Variants in MIB1 observed in about 807,000 individuals in gnomAD.
The protein encoded by MIB1 is MIB E3 ubiquitin protein ligase 1, also known as E3 ubiquitin-protein ligase MIB1.
A neutral mutation model predicts 124.5 loss-of-function variants in MIB1; 278 were observed. That is an observed-to-expected ratio of 2.23 (90% CI 2.02 to 2.47). The LOEUF (loss-of-function observed/expected upper bound fraction) is 2.47. Among genes scored for constraint, MIB1 ranks in the 30% most tolerant of loss-of-function variants. MIB1 has a pLI of 0.00. For missense variants in MIB1, 957 were observed against 1,254.4 expected, an observed-to-expected ratio of 0.76 and a Z score of 3.58; for synonymous variants, 446 against 429.4, an observed-to-expected ratio of 1.04 and a Z score of -0.48.
At chr18:21,845,926 A>G (rs2042130800) in intron 15 of MIB1, among the ~76,000 whole-genome samples, 1 of 152,106 alleles carries the variant, frequency 6.6e-6, no homozygotes, top group Admixed American at 6.5e-5. Flanking sequence ...CTCGGCTGAA[A>G]AGACTTTCTT....
rs891931516 is a variant in MIB1, at chr18:21,865,753, T to C, written c.*1087T>C. The stretch of plus-strand genomic sequence containing the variant: ...TCTCTTTCTTTATAGTATTTTTTGT[T>C]ATAAAGAAAACAGTCTTTCTGTGTA... On this transcript the variant is annotated 3_prime_UTR_variant, in exon 21 of 21. Coordinates refer to ENST00000261537, the MANE Select transcript of MIB1 (RefSeq NM_020774.4). The C allele has an allele frequency of 6.6e-6, 1 of 152,632 alleles. No homozygotes were observed. The highest frequency in any genetic ancestry group is 2.4e-5 in the African/African-American group (1 of 41,452). 9.5% of individuals were successfully genotyped at this position (152,632 alleles called of 1,614,324 possible).
Position 21,800,783 on chromosome 18 carries a change from G to A in MIB1, c.1371+809G>A, listed in dbSNP as rs538167523. Among the ~76,000 whole-genome samples the A allele has an allele frequency of 2.7e-4, 41 of 152,110 alleles. 1 individual carries two copies. The South Asian group carries it at 7.9e-3, about 29-fold the overall frequency. Reference sequence around the variant, plus strand: ...AATGTCTTATTTCTCCTATAAGCTCGACATGTTAGCTTTATTATAGAGAAA... The same window carrying A: ...AATGTCTTATTTCTCCTATAAGCTCAACATGTTAGCTTTATTATAGAGAAA... On this transcript the variant is annotated intron_variant, in intron 9 of 20. Coordinates refer to ENST00000261537, the MANE Select transcript of MIB1 (RefSeq NM_020774.4).
chr18:21,708,922 C>T (rs2040652763), intron 1 of MIB1, among the ~76,000 whole-genome samples: 1 of 152,158 alleles, frequency 6.6e-6, no homozygotes, highest in South Asian at 2.1e-4. Context: ...TTTGGGCTTA[C>T]CATATGCAGA....
At chr18:21,713,398 T>C (rs2040674152) in intron 1 of MIB1, among the ~76,000 whole-genome samples, 1 of 151,570 alleles carries the variant, frequency 6.6e-6, no homozygotes, top group African/African-American at 2.4e-5. Flanking sequence ...GATCATGAGG[T>C]CAGGCATTCA....
intron 1 of MIB1, among the ~76,000 whole-genome samples, chr18:21,746,147 T>C (rs1404409771): frequency 6.6e-6 from 1 of 152,228 alleles, no homozygotes; most frequent in Admixed American, 6.5e-5. Context: ...ATAGAAAATT[T>C]ATTGCAGTAT....
intron 12 of MIB1, among the ~76,000 whole-genome samples, chr18:21,836,022 G>A (rs969307749): frequency 2.6e-5 from 4 of 151,906 alleles, no homozygotes; most frequent in Non-Finnish European, 5.9e-5. Context: ...GCTAAGGCAG[G>A]TGGATGGCTT....
At chr18:21,847,496 GTAT>G (rs1485556192) in intron 16 of MIB1, among the ~76,000 whole-genome samples, 7 of 152,024 alleles carry the variant, frequency 4.6e-5, no homozygotes, top group Admixed American at 4.6e-4. Flanking sequence ...ATTTTTTATT[GTAT>G]TATTATTATT....
intron 8 of MIB1, 45 bp downstream of exon 8, chr18:21,798,273 T>G (rs754298106): frequency 9.4e-6 from 15 of 1,589,946 alleles, no homozygotes; most frequent in Non-Finnish European, 1.2e-5. Context: ...TGGTTTACAT[T>G]AAAACCTTTG....
chr18:21,853,292 G>T (rs2042197669), intron 18 of MIB1, 74 bp downstream of exon 18: 5 of 1,165,482 alleles, frequency 4.3e-6, no homozygotes, highest in Non-Finnish European at 6.2e-6. Context: ...GTTTTTGAGG[G>T]TTTTTTTGCT....
chr18:21,814,731 G>A (rs2041809336), intron 10 of MIB1, among the ~76,000 whole-genome samples: 1 of 151,738 alleles, frequency 6.6e-6, no homozygotes, highest in Non-Finnish European at 1.5e-5. Context: ...GTGCCACCAT[G>A]TCTGGCTAAT....
At chr18:21,750,877 G>A (rs544328120) in intron 1 of MIB1, among the ~76,000 whole-genome samples, 4 of 151,980 alleles carry the variant, frequency 2.6e-5, no homozygotes, top group African/African-American at 7.2e-5. Context: ...CCATACTCCT[G>A]TAAATATATG....
intron 11 of MIB1, among the ~76,000 whole-genome samples, chr18:21,816,733 G>A (rs755291824): frequency 4.6e-5 from 7 of 152,164 alleles, no homozygotes; most frequent in African/African-American, 7.2e-5. Context: ...AACAGTAGTA[G>A]TGGGAATGAG....
intron 1 of MIB1, among the ~76,000 whole-genome samples, chr18:21,734,966 C>T (rs920168232): frequency 6.6e-6 from 1 of 152,208 alleles, no homozygotes; most frequent in Non-Finnish European, 1.5e-5. Flanking sequence ...TCATAATACA[C>T]ATTTTCCATG....
chr18:21,821,424 T>C (rs1028689859), intron 12 of MIB1, among the ~76,000 whole-genome samples: 2 of 152,156 alleles, frequency 1.3e-5, no homozygotes, highest in East Asian at 3.9e-4. Context: ...TCTCCTTTCC[T>C]AAAATATGCT....
At position 21,756,340 on chromosome 18, in the gene MIB1, C is replaced by T. The variant is rs183486223; in HGVS notation, c.230-9432C>T. Among the ~76,000 whole-genome samples, 41 of 152,270 alleles carry T rather than the reference C, an allele frequency of 2.7e-4. 1 individual carries two copies. The East Asian group carries it at 6.9e-3, about 26-fold the overall frequency. The stretch of plus-strand genomic sequence containing the variant: ...GTCAGTCATTTTTTTCCCTCCATTT[C>T]GAGCCTTCATTCATCACCTGTAAAA... On this transcript the variant is annotated intron_variant, in intron 1 of 20. Coordinates refer to ENST00000261537, the MANE Select transcript of MIB1 (RefSeq NM_020774.4).
chr18:21,849,290 CT>C lies in MIB1; in HGVS notation c.2493del (p.Phe831LeufsTer63), dbSNP rs1185078584. ...MVCSDMKRDT[L>X]FGPCGHIATC... Reference sequence around the variant, plus strand: ...GTGCTCAGATATGAAGAGAGATACTCTTTTTGGTCCATGTGGACATATTGCT... The same window carrying C: ...GTGCTCAGATATGAAGAGAGATACTCTTTTGGTCCATGTGGACATATTGCT... On this transcript the variant is annotated frameshift_variant, in exon 17 of 21. Coordinates refer to ENST00000261537, the MANE Select transcript of MIB1 (RefSeq NM_020774.4). LOFTEE classifies it high-confidence loss of function. The C allele has an allele frequency of 1.9e-6, 3 of 1,612,772 alleles. No homozygotes were observed. Among genetic ancestry groups the C allele is most frequent in the Non-Finnish European group, 2.5e-6 (3 of 1,179,146 alleles).
At chr18:21,835,377 A>T (rs1233184974) in intron 12 of MIB1, among the ~76,000 whole-genome samples, 1 of 152,144 alleles carries the variant, frequency 6.6e-6, no homozygotes, top group Non-Finnish European at 1.5e-5. Context: ...GGACAAATTG[A>T]ATGTGGACAT....
At chr18:21,843,417 A>G (rs1398833472) in intron 14 of MIB1, among the ~76,000 whole-genome samples, 200 bp downstream of exon 14, 1 of 152,216 alleles carries the variant, frequency 6.6e-6, no homozygotes. Context: ...CTATATATAG[A>G]TGGTACTTTT....
chr18:21,714,236 A>G (rs2040678744), intron 1 of MIB1, among the ~76,000 whole-genome samples: 1 of 152,218 alleles, frequency 6.6e-6, no homozygotes, highest in African/African-American at 2.4e-5. Flanking sequence ...GTAACAGACC[A>G]GAGAGGAAGA....
Sources: allele counts gnomAD v4.1 joint callset (sites outside exome capture counted in the v4.1 genomes callset), GRCh38; gene constraint gnomAD v4.1.1; transcripts MANE v1.5; gene names NCBI Gene and HGNC (gene_info 2026-07-23, HGNC 2026-07-21).